Variants in ABLIM1 observed in about 807,000 individuals in gnomAD.
The protein encoded by ABLIM1 is actin binding LIM protein 1.
A neutral mutation model predicts 107.0 loss-of-function variants in ABLIM1; 40 were observed. The ratio of observed to expected loss-of-function variants is 0.37; its 90% CI spans 0.29 to 0.49. The LOEUF is 0.49. Ranked by LOEUF, ABLIM1 falls within the 20% of genes least tolerant of loss-of-function variation. ABLIM1 has a pLI of 0.97. For synonymous variants in ABLIM1, 357 were observed against 357.3 expected (o/e 1.00, Z 0.01); for missense variants, 857 against 1,008.5 (o/e 0.85, Z 2.04).
At position 114,597,458 on chromosome 10, in the gene ABLIM1, AGAAATGAAAGAAG is replaced by A. The variant is rs1319970598; in HGVS notation, c.379+4356_379+4368del. Among the ~76,000 whole-genome samples, 11 of 152,152 alleles carry A rather than the reference AGAAATGAAAGAAG, an allele frequency of 7.2e-5. No homozygotes were observed. In the South Asian group the frequency reaches 2.1e-3, roughly 29 times the overall value. ...CTAAAACTGCTCTAGAATGAAGGAA[AGAAATGAAAGAAG>A]GAAATGAAAGAATGAAAGAAAAGAA... On this transcript the variant is annotated intron_variant, in intron 2 of 22. Transcript: ENST00000533213.
intron 6 of ABLIM1, among the ~76,000 whole-genome samples, chr10:114,506,991 C>T (rs2061242725): frequency 6.6e-6 from 1 of 152,154 alleles, no homozygotes; most frequent in African/African-American, 2.4e-5. Context: ...CAAGTTATTT[C>T]CACTAAAACC....
intron 12 of ABLIM1, among the ~76,000 whole-genome samples, chr10:114,460,341 C>T (rs1182452511): frequency 6.6e-6 from 1 of 152,208 alleles, no homozygotes; most frequent in African/African-American, 2.4e-5. Context: ...TGGCTCACGC[C>T]TGTAATCCCA....
intron 1 of ABLIM1, among the ~76,000 whole-genome samples, chr10:114,669,695 T>C (rs1410256191): frequency 6.6e-6 from 1 of 152,162 alleles, no homozygotes; most frequent in Non-Finnish European, 1.5e-5. Context: ...AAGCTTACAA[T>C]ATAGGAATTT....
At chr10:114,747,802 G>A (rs531454382) in intron 1 of ABLIM1, among the ~76,000 whole-genome samples, 1 of 152,350 alleles carries the variant, frequency 6.6e-6, no homozygotes, top group African/African-American at 2.4e-5. Flanking sequence ...CACTTTGGGA[G>A]GCCAAGGTGG....
intron 2 of ABLIM1, among the ~76,000 whole-genome samples, chr10:114,596,523 A>C (rs1451131197): frequency 1.3e-5 from 2 of 152,142 alleles, no homozygotes; most frequent in Non-Finnish European, 2.9e-5. Context: ...CCCATCACAA[A>C]ATACAACATG....
intron 6 of ABLIM1, among the ~76,000 whole-genome samples, chr10:114,528,821 T>C (rs1195362393): frequency 6.6e-6 from 1 of 152,250 alleles, no homozygotes; most frequent in Admixed American, 6.5e-5. Flanking sequence ...TTGTTAATGA[T>C]AGGCACCATG....
intron 1 of ABLIM1, among the ~76,000 whole-genome samples, chr10:114,727,345 G>A (rs969463621): frequency 2.0e-5 from 3 of 152,120 alleles, no homozygotes; most frequent in Non-Finnish European, 2.9e-5. Context: ...AGTATAATGC[G>A]ATATCTAGGA....
the ABLIM1 span, chr10:114,775,961 A>C: frequency 1.3e-5 from 2 of 152,240 alleles, no homozygotes; most frequent in Non-Finnish European, 2.9e-5. Flanking sequence ...AGTGAATAAA[A>C]CTAAAGGTCA....
intron 1 of ABLIM1, among the ~76,000 whole-genome samples, chr10:114,684,015 G>C (rs1203094775): frequency 1.3e-5 from 2 of 152,188 alleles, no homozygotes. Flanking sequence ...ACCTACTGTT[G>C]GTTGAGTTGA....
intron 21 of ABLIM1, among the ~76,000 whole-genome samples, chr10:114,438,880 C>G (rs550073481): frequency 1.1e-4 from 17 of 152,332 alleles, no homozygotes; most frequent in African/African-American, 3.8e-4. Context: ...TGCAGCCACT[C>G]CACTCAGCAC....
intron 1 of ABLIM1, among the ~76,000 whole-genome samples, chr10:114,609,171 G>A (rs1054375918): frequency 2.6e-5 from 4 of 152,192 alleles, no homozygotes; most frequent in African/African-American, 9.7e-5. Flanking sequence ...TAAGTGATGT[G>A]ATCACAGACA....
chr10:114,572,618 A>G (rs574015934), intron 3 of ABLIM1, among the ~76,000 whole-genome samples: 1 of 152,286 alleles, frequency 6.6e-6, no homozygotes, highest in South Asian at 2.1e-4. Context: ...CCAGCTAGGG[A>G]GATCAAGCCA....
At chr10:114,536,009 T>C (rs949231372) in intron 6 of ABLIM1, among the ~76,000 whole-genome samples, 2 of 151,948 alleles carry the variant, frequency 1.3e-5, no homozygotes, top group African/African-American at 2.4e-5. Context: ...ACTCATTGAG[T>C]TGTGCAGCCG....
intron 6 of ABLIM1, among the ~76,000 whole-genome samples, chr10:114,516,203 G>A (rs1209211442): frequency 1.3e-5 from 2 of 152,088 alleles, no homozygotes; most frequent in African/African-American, 2.4e-5. Flanking sequence ...AGGGAGTGAG[G>A]TGAGCAGGTA....
the ABLIM1 span, among the ~76,000 whole-genome samples, chr10:114,774,457 T>A: frequency 4.7e-4 from 71 of 152,186 alleles, no homozygotes; most frequent in Middle Eastern, 3.4e-3. Flanking sequence ...GTGGGATAAG[T>A]GCCCAGAGGA....
chr10:114,573,062 G>A (rs1001995009), intron 3 of ABLIM1, among the ~76,000 whole-genome samples: 59 of 152,324 alleles, frequency 3.9e-4, no homozygotes, highest in Non-Finnish European at 8.8e-5. Flanking sequence ...TTCTCAACTT[G>A]GGCTGGGCCT....
At chr10:114,717,260 G>A (rs1408464442) in intron 1 of ABLIM1, among the ~76,000 whole-genome samples, 1 of 152,166 alleles carries the variant, frequency 6.6e-6, no homozygotes, top group Admixed American at 6.5e-5. Context: ...ACAGCTGGAC[G>A]GAAAGTCTAT....
chr10:114,707,212 G>A lies in ABLIM1; in HGVS notation c.-213+60849C>T, dbSNP rs1318456469. On this transcript the variant is annotated intron_variant, in intron 1 of 15. Coordinates refer to the ABLIM1 transcript ENST00000651092. This position sits in a 1 kb window ranked among gnomAD's most constrained non-coding sequence, Gnocchi z 4.1. ...CAATTAGAGACCATCATATCCCAAA[G>A]TTCTCCAGTAAGGGTTCAGTTTTTT... Among the ~76,000 whole-genome samples the A allele has an allele frequency of 2.0e-5, 3 of 152,108 alleles. No homozygotes were observed. Among genetic ancestry groups the A allele is most frequent in the Non-Finnish European group, 4.4e-5 (3 of 68,024 alleles).
intron 1 of ABLIM1, among the ~76,000 whole-genome samples, chr10:114,666,311 T>C (rs73362070): frequency 0.031 from 4,761 of 152,230 alleles, 254 homozygotes; most frequent in African/African-American, 0.11. Context: ...AATGGTAATA[T>C]AGCACAAGTT....
Sources: gnomAD v4.1 joint callset for allele counts (sites outside exome capture counted in the v4.1 genomes callset) on GRCh38, gnomAD v4.1.1 for gene constraint, Gnocchi (gnomAD v3.1) non-coding constraint, MANE v1.5 for transcripts, NCBI Gene and HGNC (gene_info 2026-07-23, HGNC 2026-07-21) for gene names.